ATP8A1: variants seen among roughly 807,000 people sequenced by gnomAD.
ATP8A1 encodes the protein phospholipid-transporting ATPase IA.
A neutral mutation model predicts 177.7 loss-of-function variants in ATP8A1; 90 were observed. The ratio of observed to expected loss-of-function variants is 0.51; its 90% confidence interval spans 0.43 to 0.60. The LOEUF (loss-of-function observed/expected upper bound fraction) is 0.60, where lower values mean the gene tolerates loss of function less well. ATP8A1 is among the 20% of genes least tolerant of loss of function. The pLI, the probability that ATP8A1 is intolerant of heterozygous loss-of-function variation, is 0.00. For synonymous variants in ATP8A1, 493 were observed against 485.9 expected, an observed-to-expected ratio of 1.01 and a Z score of -0.19; for missense variants, 1,072 against 1,392.8, an observed-to-expected ratio of 0.77 and a Z score of 3.67.
chr4:42,613,859 C>A (rs1197183701), intron 5 of ATP8A1, among the ~76,000 whole-genome samples: 1 of 151,610 alleles, frequency 6.6e-6, no homozygotes, highest in Non-Finnish European at 1.5e-5. Context: ...GCTGGAATTA[C>A]AGGCATGAGC....
chr4:42,532,918 C>A (rs972884871), intron 20 of ATP8A1, among the ~76,000 whole-genome samples: 5 of 152,218 alleles, frequency 3.3e-5, no homozygotes, highest in Non-Finnish European at 7.3e-5. Context: ...TCCCCCCAGC[C>A]CTTAAGAATG....
chr4:42,534,766 A>G (rs954658160), intron 20 of ATP8A1, among the ~76,000 whole-genome samples: 2 of 152,212 alleles, frequency 1.3e-5, no homozygotes, highest in Admixed American at 6.5e-5. Flanking sequence ...AGGCAAAAAC[A>G]TCAGGTAACC....
intron 20 of ATP8A1, among the ~76,000 whole-genome samples, chr4:42,534,288 C>G (rs1180367836): frequency 1.3e-5 from 2 of 152,070 alleles, no homozygotes; most frequent in Non-Finnish European, 2.9e-5. Flanking sequence ...CAGGATATGA[C>G]TGGAAAAATC....
In ATP8A1 at chr4:42,555,139, A is replaced by AATCTATCTATCT. The variant is rs1553903247; in HGVS notation, c.1413+817_1413+828dup. ...TATCTATCTATCTATCTATCTATCT[A>AATCTATCTATCT]ATCTATCTATCTATCTATCTATCTA... On this transcript the variant is annotated intron_variant, in intron 16 of 36. Transcript: ENST00000381668. Among the ~76,000 whole-genome samples the AATCTATCTATCT allele has an allele frequency of 2.8e-3, 166 of 59,532 alleles. 2 individuals are homozygous for AATCTATCTATCT. The highest frequency in any genetic ancestry group is 7.9e-3 in the Middle Eastern group (1 of 126). 39.1% of individuals were successfully genotyped at this position (59,532 alleles called of 152,430 possible). A position where few individuals can be genotyped will look rare whatever the true frequency, so the allele number is the denominator to read the frequency against.
intron 11 of ATP8A1, 68 bp downstream of exon 11, chr4:42,579,745 T>C (rs1732829298): frequency 7.5e-7 from 1 of 1,341,976 alleles, no homozygotes; most frequent in Non-Finnish European, 1.0e-6. Context: ...ATAAAGTAAA[T>C]CAAGATCAAT....
intron 14 of ATP8A1, among the ~76,000 whole-genome samples, chr4:42,569,748 G>T (rs1045372929): frequency 1.3e-5 from 2 of 152,108 alleles, no homozygotes; most frequent in African/African-American, 4.8e-5. Flanking sequence ...GAATTTAAAT[G>T]ATATTAAAAA....
chr4:42,629,069 T>C (rs747203855), intron 1 of ATP8A1, among the ~76,000 whole-genome samples: 5 of 152,200 alleles, frequency 3.3e-5, no homozygotes, highest in Admixed American at 6.5e-5. Flanking sequence ...AATTGGATAC[T>C]GCATCTCCCC....
chr4:42,577,252 T>C (rs1021222831), intron 12 of ATP8A1, among the ~76,000 whole-genome samples: 1 of 152,208 alleles, frequency 6.6e-6, no homozygotes, highest in African/African-American at 2.4e-5. Context: ...ATAAGAAACT[T>C]CAATAAGTCT....
At chr4:42,419,719 T>G (rs1304699169) in intron 35 of ATP8A1, among the ~76,000 whole-genome samples, 2 of 152,216 alleles carry the variant, frequency 1.3e-5, no homozygotes, top group African/African-American at 4.8e-5. Flanking sequence ...TTTGCTAAGT[T>G]TTGGCTGGGT....
intron 33 of ATP8A1, among the ~76,000 whole-genome samples, chr4:42,440,335 GTTT>G (rs35291607): frequency 1.4e-3 from 191 of 135,464 alleles, no homozygotes; most frequent in East Asian, 3.7e-3. Flanking sequence ...AGCTCCTCCA[GTTT>G]TTTTTTTTTT....
At chr4:42,555,158 C>G (rs1468849019) in intron 16 of ATP8A1, among the ~76,000 whole-genome samples, 1 of 133,170 alleles carries the variant, frequency 7.5e-6, no homozygotes, top group Non-Finnish European at 1.6e-5. Context: ...ATCTATCTAT[C>G]TATCTATCTA....
At position 42,423,665 on chromosome 4, in the gene ATP8A1, A is replaced by C. The variant is rs767301299; in HGVS notation, c.3164T>G (p.Leu1055Trp). Residue 1055 changes from leucine to tryptophan, a missense_variant, in exon 34 of 37, where the codon TTG becomes TGG. Physicochemically the swap from Leu to Trp is moderately conservative, Grantham distance 61. Coordinates refer to ENST00000381668, the MANE Select transcript of ATP8A1 (RefSeq NM_006095.2). ...CAGAGATGCCACAGGGATGAATAAC[A>C]AGCCCATCCAAAAGACTCCAGAACT... ...LFSSGVFWMG[L>W]LFIPVASLLL... The C allele has an allele frequency of 4.3e-6, 7 of 1,612,812 alleles. No homozygotes were observed. In the African/African-American group the frequency reaches 9.3e-5, roughly 22 times the overall value.
intron 5 of ATP8A1, among the ~76,000 whole-genome samples, chr4:42,613,008 C>T (rs1362807151): frequency 2.0e-5 from 3 of 152,118 alleles, no homozygotes; most frequent in African/African-American, 7.2e-5. Context: ...AGATGTCCAT[C>T]AAAAATTAAT....
chr4:42,582,312 C>T (rs1284734163), intron 9 of ATP8A1, among the ~76,000 whole-genome samples: 1 of 152,118 alleles, frequency 6.6e-6, no homozygotes, highest in African/African-American at 2.4e-5. Flanking sequence ...GCAGCCTGAG[C>T]AAGCTAATAC....
Position 42,590,866 on chromosome 4 carries a change from C to A in ATP8A1, c.469G>T (p.Val157Leu), listed in dbSNP as rs907036744. 5 of 1,612,538 alleles carry A rather than the reference C, an allele frequency of 3.1e-6. No homozygotes were observed. The African/African-American group carries it at 6.7e-5, about 22-fold the overall frequency. Reference sequence around the variant, plus strand: ...AGATGTTCCCCATTGGTCACTTTCACTATCTCCCCTACTGCCACCTACACG... The same window carrying A: ...AGATGTTCCCCATTGGTCACTTTCAATATCTCCCCTACTGCCACCTACACG... ...HWEKVAVGEI[V>L]KVTNGEHLPA... Residue 157 changes from valine (V) to leucine (L), a missense_variant, in exon 7 of 37, where the codon GTG becomes TTG. Val to Leu is a conservative substitution (Grantham distance 32). Around this residue, in one of 5 missense-constraint regions of ATP8A1, gnomAD observed 344 missense variants for 393.5 expected, o/e 0.87. Transcript: ENST00000381668.
At chr4:42,602,421 G>A (rs1048397796) in intron 5 of ATP8A1, among the ~76,000 whole-genome samples, 1 of 152,164 alleles carries the variant, frequency 6.6e-6, no homozygotes, top group Non-Finnish European at 1.5e-5. Context: ...TGCTGTCTCT[G>A]CCAGAGTCCA....
rs1712523090 is a variant in ATP8A1 at position 42,410,901 on chromosome 4, C to CAGAATTTAATTA, written c.*2014_*2015insTAATTAAATTCT. 1 of 152,174 alleles carries CAGAATTTAATTA rather than the reference C, an allele frequency of 6.6e-6. No homozygotes were observed. The highest frequency in any genetic ancestry group is 1.5e-5 in the Non-Finnish European group (1 of 68,024). 9.4% of individuals were successfully genotyped at this position (152,174 alleles called of 1,614,324 possible). The stretch of plus-strand genomic sequence containing the variant: ...GCTCTTCTCTATTAACAGAATTAAA[C>CAGAATTTAATTA]ACTACAAAGTGTTTCTCTGGAGGGG... On this transcript the variant is annotated 3_prime_UTR_variant, in exon 37 of 37. Coordinates refer to ENST00000381668, the MANE Select transcript of ATP8A1 (RefSeq NM_006095.2).
rs765857627 is a variant in ATP8A1 at position 42,414,676 on chromosome 4, C to A, written c.3348G>T (p.Lys1116Asn). The change falls in exon 36 of 37, where the codon AAG becomes AAT. Residue 1116 changes from lysine (K) to asparagine (N), a missense_variant. This residue lies in a region of ATP8A1 where 316 missense variants were observed against 459.1 expected (regional missense o/e 0.69). Coordinates refer to ENST00000381668, the MANE Select transcript of ATP8A1 (RefSeq NM_006095.2). ...RAQLLKNVFK[K>N]NHVNLYRSES... ...CAGAGCGGTACAAGTTCACGTGGTTCTTCTTAAAGACGTTCTTGAGCAGTT... is the reference window on the plus strand; with the variant it reads ...CAGAGCGGTACAAGTTCACGTGGTTATTCTTAAAGACGTTCTTGAGCAGTT... The A allele has an allele frequency of 4.3e-6, 7 of 1,613,774 alleles. No individual in the cohort carries two copies. The African/African-American group carries it at 9.3e-5, about 22-fold the overall frequency.
intron 1 of ATP8A1, among the ~76,000 whole-genome samples, chr4:42,631,271 G>C (rs1308112992): frequency 6.6e-6 from 1 of 152,186 alleles, no homozygotes; most frequent in Non-Finnish European, 1.5e-5. Context: ...AGCAAAACCA[G>C]ATTAGTAATA....
Sources: gnomAD v4.1 joint callset for allele counts (sites outside exome capture counted in the v4.1 genomes callset) on GRCh38, gnomAD v4.1.1 for gene constraint, gnomAD v4.1.1 regional missense constraint, MANE v1.5 for transcripts, NCBI Gene and HGNC (gene_info 2026-07-23, HGNC 2026-07-21) for gene names.